The following MTERF2 variants were observed in gnomAD, a reference collection of about 807,000 sequenced individuals.
The protein encoded by MTERF2 is mitochondrial transcription termination factor 2.
Under a neutral mutation model 29.2 loss-of-function variants are expected in MTERF2, and 23 were observed. The ratio of observed to expected loss-of-function variants is 0.79; its 90% CI spans 0.57 to 1.12. The LOEUF (loss-of-function observed/expected upper bound fraction) is 1.12. Ranked by LOEUF, MTERF2 falls within the 50% of genes most tolerant of loss-of-function variation. MTERF2 has a pLI of 0.00. For missense variants in MTERF2, 440 were observed against 429.4 expected (o/e 1.02, Z -0.22); for synonymous variants, 157 against 159.5 (o/e 0.98, Z 0.12).
intron 2 of MTERF2, among the ~76,000 whole-genome samples, chr12:106,982,923 T>A (rs1952068783): frequency 6.6e-6 from 1 of 152,224 alleles, no homozygotes; most frequent in Admixed American, 6.5e-5. Flanking sequence ...TTAACTTCTT[T>A]TTATTATTTA....
chr12:106,986,966 C>T lies in MTERF2; in HGVS notation c.-169+3G>A, dbSNP rs1295782341. 1 of 152,294 alleles carries T rather than the reference C, an allele frequency of 6.6e-6. No homozygotes were observed. Among genetic ancestry groups the T allele is most frequent in the Non-Finnish European group, 1.5e-5 (1 of 68,094 alleles). The allele number at this position is 152,294 out of a possible 1,614,324, so 9.4% of individuals were successfully genotyped here. ...CCAGGAGCAGAGGAAGGGGGCGACT[C>T]ACCCGTCGGCGTCAGCTCCAAGCAA... is the stretch of plus-strand genomic sequence containing the variant. On this transcript the variant is annotated splice_donor_region_variant and intron_variant, in intron 1 of 2. Transcript: ENST00000240050.
At chr12:106,984,599 T>A (rs140985471) in intron 2 of MTERF2, among the ~76,000 whole-genome samples, 102 of 152,242 alleles carry the variant, frequency 6.7e-4, no homozygotes, top group Admixed American at 2.4e-3. Flanking sequence ...ATAATTCCCT[T>A]GTGTTGTGGG....
In MTERF2 at chr12:106,977,401, A is replaced by C; in HGVS notation, c.*156T>G. On this transcript the variant is annotated 3_prime_UTR_variant, in exon 3 of 3. Transcript: ENST00000240050. ...TGATTTATATTTTATAATATGGCACATGAGTCAGAATTTATCTATTTAGAG... is the reference window on the plus strand; with the variant it reads ...TGATTTATATTTTATAATATGGCACCTGAGTCAGAATTTATCTATTTAGAG... 1 of 120,016 alleles carries C rather than the reference A, an allele frequency of 8.3e-6. No homozygotes were observed. Among genetic ancestry groups the C allele is most frequent in the Non-Finnish European group, 1.2e-5 (1 of 86,540 alleles). The allele number at this position is 120,016 out of a possible 1,614,324, so 7.4% of individuals were successfully genotyped here. A position where few individuals can be genotyped will look rare whatever the true frequency, so the allele number is the denominator to read the frequency against.
intron 2 of MTERF2, among the ~76,000 whole-genome samples, chr12:106,982,706 A>C (rs149306287): frequency 6.6e-6 from 1 of 152,304 alleles, no homozygotes; most frequent in African/African-American, 2.4e-5. Context: ...ATGCTGAATA[A>C]ATGTCCACAT....
At chr12:106,983,391 T>C (rs1293874534) in intron 2 of MTERF2, among the ~76,000 whole-genome samples, 2 of 152,248 alleles carry the variant, frequency 1.3e-5, no homozygotes, top group African/African-American at 2.4e-5. Context: ...GTACTTTTTA[T>C]ATGTGGGGTC....
Position 106,978,094 on chromosome 12 carries a change from A to G in MTERF2, c.621T>C (p.Val207=). ...DVGGSEANMK[V]WLLKLLSQNP... ...TTTGGCTTAACAATTTTAGTAGCCA[A>G]ACTTTCATGTTGGCCTCAGAGCCAC... is the stretch of plus-strand genomic sequence containing the variant. The change falls in exon 3 of 3, where the codon GTT becomes GTC. Residue 207 remains valine (V), a synonymous_variant. Transcript: ENST00000240050. 1 of 1,614,058 alleles carries G rather than the reference A, an allele frequency of 6.2e-7. No homozygotes were observed. Among genetic ancestry groups the G allele is most frequent in the Non-Finnish European group, 8.5e-7 (1 of 1,180,000 alleles).
chr12:106,985,165 C>A lies in MTERF2; in HGVS notation c.-108G>T, dbSNP rs1197528504. The A allele has an allele frequency of 6.6e-6, 1 of 152,320 alleles. No homozygotes were observed. Among genetic ancestry groups the A allele is most frequent in the Non-Finnish European group, 1.5e-5 (1 of 68,104 alleles). The allele number at this position is 152,320 out of a possible 1,614,324, so 9.4% of individuals were successfully genotyped here. On this transcript the variant is annotated 5_prime_UTR_variant, in exon 2 of 3. Transcript: ENST00000240050. ...GTCCTCATCCAGATATTCAGTTCAT[C>A]CACTTGGGATTCTTTCCAACTTCTT...
At chr12:106,986,670 G>T (rs1389452008) in intron 1 of MTERF2, 1 of 152,176 alleles carries the variant, frequency 6.6e-6, no homozygotes, top group African/African-American at 2.4e-5. Flanking sequence ...CACAGTTATG[G>T]TTAGTATGGT....
At chr12:106,983,352 T>G (rs1952073608) in intron 2 of MTERF2, among the ~76,000 whole-genome samples, 1 of 152,230 alleles carries the variant, frequency 6.6e-6, no homozygotes. Context: ...CTATTTTACT[T>G]TCTGTCTCTA....
chr12:106,977,376 T>C lies in MTERF2; in HGVS notation c.*181A>G, dbSNP rs1189552458. On this transcript the variant is annotated 3_prime_UTR_variant, in exon 3 of 3. Transcript: ENST00000240050. ...GTTACCAACCTTATTAAAATAAATA[T>C]GATTTATATTTTATAATATGGCACA... The C allele has an allele frequency of 1.9e-5, 9 of 470,108 alleles. No homozygotes were observed. The highest frequency in any genetic ancestry group is 3.2e-5 in the Non-Finnish European group (9 of 282,840). 29.1% of individuals were successfully genotyped at this position (470,108 alleles called of 1,614,324 possible). A position where few individuals can be genotyped will look rare whatever the true frequency, so the allele number is the denominator to read the frequency against.
chr12:106,979,381 G>A (rs1480201050), intron 2 of MTERF2, among the ~76,000 whole-genome samples: 1 of 151,812 alleles, frequency 6.6e-6, no homozygotes, highest in Non-Finnish European at 1.5e-5. Flanking sequence ...ACCCAAAATG[G>A]GCCAATTATT....
In MTERF2 at chr12:106,978,572, G is replaced by C; in HGVS notation, c.143C>G (p.Thr48Arg). Residue 48 changes from threonine (T) to arginine (R), a missense_variant, in exon 3 of 3, where the codon ACA becomes AGA. Coordinates refer to ENST00000240050, the MANE Select transcript of MTERF2 (RefSeq NM_001033050.3). The part of the protein sequence containing the change: ...DKQSSKENTR[T>R]VEKLYKCSVD... ...TGAACATTTATAGAGCTTTTCCACT[G>C]TTCTTGTATTTTCTTTGCTCGACTG... 1 of 1,614,154 alleles carries C rather than the reference G, an allele frequency of 6.2e-7. No individual in the cohort carries two copies. The highest frequency in any genetic ancestry group is 8.5e-7 in the Non-Finnish European group (1 of 1,180,028).
chr12:106,984,343 C>G (rs942565235), intron 2 of MTERF2, among the ~76,000 whole-genome samples: 2 of 152,204 alleles, frequency 1.3e-5, no homozygotes, highest in Admixed American at 6.5e-5. Flanking sequence ...ATCCTTCTTT[C>G]TCTCCATTTC....
chr12:106,986,047 GA>G (rs1344340891), intron 1 of MTERF2: 1 of 152,218 alleles, frequency 6.6e-6, no homozygotes, highest in Non-Finnish European at 1.5e-5. Flanking sequence ...CAAGCGTTGG[GA>G]AGGCAGGAAC....
rs556380829 is a variant in MTERF2 at position 106,979,885 on chromosome 12, CAT to C, written c.-57-1116_-57-1115del. ...ATAAGATACATTAACAGGAGAAAAA[CAT>C]AAACTTTTTTTTTTAACTTTATTTA... On this transcript the variant is annotated intron_variant, in intron 2 of 2. Transcript: ENST00000240050. Among the ~76,000 whole-genome samples the C allele has an allele frequency of 1.3e-3, 203 of 152,158 alleles. 1 individual carries two copies. The highest frequency in any genetic ancestry group is 2.2e-3 in the Non-Finnish European group (147 of 67,980).
chr12:106,977,444 C>G lies in MTERF2; in HGVS notation c.*113G>C. The stretch of plus-strand genomic sequence containing the variant: ...ATTTAGAGATAACTTAAATACAACA[C>G]AGAAGCTAAGCAGGTTCTTAAAATT... On this transcript the variant is annotated 3_prime_UTR_variant, in exon 3 of 3. Coordinates refer to ENST00000240050, the MANE Select transcript of MTERF2 (RefSeq NM_001033050.3). The G allele has an allele frequency of 1.2e-6, 1 of 820,068 alleles. No homozygotes were observed. The highest frequency in any genetic ancestry group is 1.9e-6 in the Non-Finnish European group (1 of 524,536). 50.8% of individuals were successfully genotyped at this position (820,068 alleles called of 1,614,324 possible).
At chr12:106,979,025 A>G (rs938393465) in intron 2 of MTERF2, among the ~76,000 whole-genome samples, 3 of 152,176 alleles carry the variant, frequency 2.0e-5, no homozygotes, top group Non-Finnish European at 4.4e-5. Flanking sequence ...TAAAAAAAAA[A>G]AACCTCCTAA....
chr12:106,980,631 T>C (rs1861953750), intron 2 of MTERF2: 1 of 152,218 alleles, frequency 6.6e-6, no homozygotes, highest in Non-Finnish European at 1.5e-5. Flanking sequence ...CTAAGAGTGT[T>C]GTAAGTGTCT....
In MTERF2 at chr12:106,977,831, G is replaced by T. The variant is rs1374731596; in HGVS notation, c.884C>A (p.Ser295Tyr). Residue 295 changes from serine (S) to tyrosine (Y), a missense_variant, in exon 3 of 3, where the codon TCT (serine) becomes TAT (tyrosine). Physicochemically the swap from Ser to Tyr is moderately radical, Grantham distance 144. Transcript: ENST00000240050. ...CATTCTCTCTTCTAAAACTGGAACA[G>T]AATAATATAAAAGGGCAGGACATTT... ...VLKCPALLYYSVPVLEERMQG... is the reference protein window; with the variant it reads ...VLKCPALLYYYVPVLEERMQG... 1.9e-6 allele frequency: 3 copies of T among 1,613,688 alleles called. No individual in the cohort carries two copies. Among genetic ancestry groups the T allele is most frequent in the East Asian group, 4.5e-5 (2 of 44,870 alleles).
Sources: allele counts gnomAD v4.1 joint callset (sites outside exome capture counted in the v4.1 genomes callset), GRCh38; gene constraint gnomAD v4.1.1; transcripts MANE v1.5; gene names NCBI Gene and HGNC (gene_info 2026-07-23, HGNC 2026-07-21).